The following DYNC2H1 variants were observed in gnomAD, a reference collection of about 807,000 sequenced individuals.
The protein encoded by DYNC2H1 is cytoplasmic dynein 2 heavy chain 1.
Under a neutral mutation model 570.0 loss-of-function variants are expected in DYNC2H1, and 410 were observed. That is an observed-to-expected ratio of 0.72 (90% CI 0.66 to 0.78). DYNC2H1 has a LOEUF of 0.78. Among genes scored for constraint, DYNC2H1 ranks in the 30% least tolerant of loss-of-function variants. The pLI, the probability that DYNC2H1 is intolerant of heterozygous loss-of-function variation, is 0.00. For synonymous variants in DYNC2H1, 1,688 were observed against 1,677.6 expected (o/e 1.01, Z -0.15); for missense variants, 4,865 against 5,046.4 (o/e 0.96, Z 1.09).
Position 103,156,681 on chromosome 11 carries a change from G to A in DYNC2H1, c.4038G>A (p.Gln1346=), listed in dbSNP as rs1860842427. Reference sequence around the variant, plus strand: ...ACCTGCAGAATTTAAATCATATTCAGAGAAAGTGGGTGTATTTGGAACCCA... The same window carrying A: ...ACCTGCAGAATTTAAATCATATTCAAAGAAAGTGGGTGTATTTGGAACCCA... ...DEYLQNLNHI[Q]RKWVYLEPIF... is the part of the protein sequence containing the mutation. Residue 1346 remains glutamine, a synonymous_variant, in exon 26 of 89, where the codon CAG becomes CAA. Coordinates refer to ENST00000375735, the MANE Select transcript of DYNC2H1 (RefSeq NM_001377.3). 1 of 1,613,126 alleles carries A rather than the reference G, an allele frequency of 6.2e-7. No homozygotes were observed. The highest frequency in any genetic ancestry group is 8.5e-7 in the Non-Finnish European group (1 of 1,179,630).
intron 87 of DYNC2H1, among the ~76,000 whole-genome samples, chr11:103,468,054 G>A (rs551195753): frequency 1.3e-5 from 2 of 151,224 alleles, no homozygotes; most frequent in African/African-American, 2.4e-5. Context: ...CAAAAGAACC[G>A]TGTTTTCATT....
At position 103,143,302 on chromosome 11, in the gene DYNC2H1, C is replaced by T. The variant is rs746202883; in HGVS notation, c.2609C>T (p.Ala870Val). Residue 870 changes from alanine (A) to valine (V), a missense_variant, in exon 18 of 89, where the codon GCT becomes GTT. Ala to Val is a moderately conservative substitution (Grantham distance 64). Around this residue, in one of 5 missense-constraint regions of DYNC2H1, gnomAD observed 1,936 missense variants for 1,962.1 expected, o/e 0.99. Coordinates refer to ENST00000375735, the MANE Select transcript of DYNC2H1 (RefSeq NM_001377.3). Reference sequence around the variant, plus strand: ...GTAATTGGGCAAGTTGATATGGAAGCTCTGGTGGAAAAGCATCTTTTTACT... The same window carrying T: ...GTAATTGGGCAAGTTGATATGGAAGTTCTGGTGGAAAAGCATCTTTTTACT... ...WIVIGQVDME[A>V]LVEKHLFTVH... is the part of the protein sequence containing the mutation. The T allele has an allele frequency of 1.9e-6, 3 of 1,613,096 alleles. No homozygotes were observed. Among genetic ancestry groups the T allele is most frequent in the African/African-American group, 1.3e-5 (1 of 74,846 alleles).
chr11:103,135,820 G>A lies in DYNC2H1; in HGVS notation c.2446G>A (p.Val816Met), dbSNP rs889490263. 4.3e-6 allele frequency: 7 copies of A among 1,613,246 alleles called. No individual in the cohort carries two copies. The Admixed American group carries it at 8.4e-5, about 19-fold the overall frequency. Residue 816 changes from valine to methionine, a missense_variant, in exon 17 of 89, where the codon GTG becomes ATG. Physicochemically the swap from Val to Met is conservative, Grantham distance 21. Around this residue, in one of 5 missense-constraint regions of DYNC2H1, gnomAD observed 1,936 missense variants for 1,962.1 expected, o/e 0.99. Coordinates refer to ENST00000375735, the MANE Select transcript of DYNC2H1 (RefSeq NM_001377.3). Reference sequence around the variant, plus strand: ...CGGCATTCCAAATCAGTTTAAGGGAGTGGGTGAGGCAGGAGATGAATCTAT... The same window carrying A: ...CGGCATTCCAAATCAGTTTAAGGGAATGGGTGAGGCAGGAGATGAATCTAT... ...FIGIPNQFKG[V>M]GEAGDESIFS...
rs182352825 is a variant in DYNC2H1, at chr11:103,134,356, G to C, written c.2142G>C (p.Gln714His). The change falls in exon 15 of 89, where the codon CAG becomes CAC. Residue 714 changes from glutamine to histidine, a missense_variant. Coordinates refer to ENST00000375735, the MANE Select transcript of DYNC2H1 (RefSeq NM_001377.3). Reference protein sequence around the residue: ...VVLMNIDLLRQQQRWKDGLQE... With the variant: ...VVLMNIDLLRHQQRWKDGLQE... ...TTATGAATATTGATCTGCTTCGGCA[G>C]CAACAGCGCTGGAAAGATGGATTAC... The C allele has an allele frequency of 5.0e-6, 8 of 1,612,470 alleles. No homozygotes were observed. The Admixed American group carries it at 5.0e-5, about 10-fold the overall frequency.
chr11:103,132,285 A>G (rs1412807424), intron 13 of DYNC2H1, among the ~76,000 whole-genome samples: 2 of 152,146 alleles, frequency 1.3e-5, no homozygotes, highest in Non-Finnish European at 2.9e-5. Flanking sequence ...GAGTCCATCC[A>G]GCCAGTTTTA....
rs766947408 is a variant in DYNC2H1, at chr11:103,311,375, T to A, written c.11494-503T>A. 1.2e-4 allele frequency among the ~76,000 whole-genome samples: 19 copies of A among 152,300 alleles called. No individual in the cohort carries two copies. In the South Asian group the frequency reaches 3.5e-3, roughly 28 times the overall value. ...TATAATTTCACTTCCTGGATTTTTGTGTCTATGAACCTAGCAATGTTAGGT... is the reference window on the plus strand; with the variant it reads ...TATAATTTCACTTCCTGGATTTTTGAGTCTATGAACCTAGCAATGTTAGGT... On this transcript the variant is annotated intron_variant, in intron 78 of 88. Transcript: ENST00000375735.
In DYNC2H1 at chr11:103,323,874, C is replaced by A; in HGVS notation, c.11935-12C>A. 1.3e-6 allele frequency: 2 copies of A among 1,599,724 alleles called. No individual in the cohort carries two copies. Among genetic ancestry groups the A allele is most frequent in the Non-Finnish European group, 1.7e-6 (2 of 1,171,804 alleles). On this transcript the variant is annotated splice_polypyrimidine_tract_variant and intron_variant, in intron 81 of 88. Coordinates refer to ENST00000375735, the MANE Select transcript of DYNC2H1 (RefSeq NM_001377.3). ...TTTTTAAAAAAACTGTTTTTCACTT[C>A]TTTATATTTAGGACTATCGTGCTGT...
At chr11:103,466,050 A>G (rs313859) in intron 87 of DYNC2H1, among the ~76,000 whole-genome samples, 79,407 of 151,862 alleles carry the variant, frequency 0.52, 22,678 homozygotes, top group East Asian at 0.74. Flanking sequence ...ATTATTAAGC[A>G]ATGGCAGTTG....
intron 77 of DYNC2H1, among the ~76,000 whole-genome samples, chr11:103,306,373 A>G (rs1232208430): frequency 2.0e-5 from 3 of 152,316 alleles, no homozygotes; most frequent in East Asian, 1.9e-4. Flanking sequence ...GAAACAGTAC[A>G]TAATATTATA....
chr11:103,244,798 A>G lies in DYNC2H1; in HGVS notation c.9919-453A>G, dbSNP rs920423318. ...ATACATATAAGTACTATATCTATATATAGTCATAGTTATAGACATATAAGT... is the reference window on the plus strand; with the variant it reads ...ATACATATAAGTACTATATCTATATGTAGTCATAGTTATAGACATATAAGT... On this transcript the variant is annotated intron_variant, in intron 64 of 88. Coordinates refer to ENST00000375735, the MANE Select transcript of DYNC2H1 (RefSeq NM_001377.3). The surrounding 1 kb of genome is among the most constrained non-coding windows in gnomAD (Gnocchi z 4.3). Among the ~76,000 whole-genome samples, 2 of 149,620 alleles carry G rather than the reference A, an allele frequency of 1.3e-5. No individual in the cohort carries two copies. The highest frequency in any genetic ancestry group is 3.0e-5 in the Non-Finnish European group (2 of 67,476).
intron 83 of DYNC2H1, among the ~76,000 whole-genome samples, chr11:103,393,737 G>A (rs568969039): frequency 6.6e-6 from 1 of 152,242 alleles, no homozygotes; most frequent in South Asian, 2.1e-4. Flanking sequence ...ACCGGGACTG[G>A]GCAATTTATA....
In DYNC2H1 at chr11:103,203,730, T is replaced by G. The variant is rs1281019817; in HGVS notation, c.8265T>G (p.Ala2755=). Residue 2755 remains alanine (A), a synonymous_variant, in exon 51 of 89, where the codon GCT becomes GCG. Transcript: ENST00000375735. The surrounding 1 kb of genome is among the most constrained non-coding windows in gnomAD (Gnocchi z 4.7). ...EPLLLPLKDQ[A]SQDGFFGPVF... ...TGCTGTTACCACTTAAGGATCAAGC[T>G]TCACAAGATGGTTTTTTTGGACCAG... The G allele has an allele frequency of 6.2e-7, 1 of 1,612,462 alleles. No homozygotes were observed. The highest frequency in any genetic ancestry group is 1.7e-5 in the Admixed American group (1 of 59,954).
At position 103,135,788 on chromosome 11, in the gene DYNC2H1, G is replaced by C. The variant is rs770077749; in HGVS notation, c.2414G>C (p.Arg805Thr). The stretch of plus-strand genomic sequence containing the variant: ...GCTAAATATTATAGAGAAATGAAGA[G>C]ATTCATCGGCATTCCAAATCAGTTT... ...IRAKYYREMK[R>T]FIGIPNQFKG... is the part of the protein sequence containing the mutation. The change falls in exon 17 of 89, where the codon AGA becomes ACA. Residue 805 changes from arginine (R) to threonine (T), a missense_variant. Physicochemically the swap from Arg to Thr is moderately conservative, Grantham distance 71. Transcript: ENST00000375735. 4 of 1,612,920 alleles carry C rather than the reference G, an allele frequency of 2.5e-6. No homozygotes were observed. Among genetic ancestry groups the C allele is most frequent in the East Asian group, 2.2e-5 (1 of 44,854 alleles).
At chr11:103,417,887 A>C (rs11518291) in intron 84 of DYNC2H1, among the ~76,000 whole-genome samples, 8,279 of 152,104 alleles carry the variant, frequency 0.054, 283 homozygotes, top group Non-Finnish European at 0.079. Context: ...AAAAAAAAAA[A>C]AAATTGATCA....
chr11:103,409,218 A>C (rs931243665), intron 84 of DYNC2H1, among the ~76,000 whole-genome samples: 2 of 152,072 alleles, frequency 1.3e-5, no homozygotes, highest in African/African-American at 4.8e-5. Context: ...TTGGATTAAC[A>C]GTATAAATAA....
intron 84 of DYNC2H1, chr11:103,405,196 AAGT>A (rs1375472054): frequency 6.6e-6 from 1 of 151,932 alleles, no homozygotes; most frequent in African/African-American, 2.4e-5. Context: ...GGGTCAAAAA[AAGT>A]AGTATTGAGG....
At position 103,158,787 on chromosome 11, in the gene DYNC2H1, A is replaced by G. The variant is rs688906; in HGVS notation, c.4238A>G (p.Lys1413Arg). 0.72 allele frequency: 1,052,813 copies of G among 1,467,266 alleles called. 381,257 individuals carry two copies. The highest frequency in any genetic ancestry group is 0.78 in the Admixed American group (35,595 of 45,432). 90.9% of individuals were successfully genotyped at this position (1,467,266 alleles called of 1,614,324 possible). The change falls in exon 27 of 89, where the codon AAA becomes AGA. Residue 1413 changes from lysine (K) to arginine (R), a missense_variant. Around this residue, in one of 5 missense-constraint regions of DYNC2H1, gnomAD observed 1,936 missense variants for 1,962.1 expected, o/e 0.99. Coordinates refer to ENST00000375735, the MANE Select transcript of DYNC2H1 (RefSeq NM_001377.3). The part of the protein sequence containing the change: ...TILDQLQRCQ[K>R]SLNEFLEEKR... ...CTTGATCAGCTTCAAAGATGTCAGA[A>G]ATCATTAAATGAATTTTTGGAGGCA...
chr11:103,435,969 G>A lies in DYNC2H1; in HGVS notation c.12393G>A (p.Trp4131Ter), dbSNP rs1428945272. The A allele has an allele frequency of 1.9e-6, 3 of 1,612,498 alleles. No homozygotes were observed. The highest frequency in any genetic ancestry group is 2.5e-6 in the Non-Finnish European group (3 of 1,179,096). ...QKCPLAWQSK[W>*]EGPEDPLQYL... ...GTCCTCTCGCATGGCAGAGCAAGTG[G>A]GAAGGCCCAGAAGATCCCTTACAAT... Residue 4131 changes from tryptophan (W) to a stop codon, truncating the protein, a stop_gained, in exon 85 of 89, where the codon TGG becomes TGA. Coordinates refer to ENST00000375735, the MANE Select transcript of DYNC2H1 (RefSeq NM_001377.3). LOFTEE classifies it high-confidence loss of function.
chr11:103,239,678 T>TAA lies in DYNC2H1; in HGVS notation c.9819+3140_9819+3141dup, dbSNP rs1335472940. Among the ~76,000 whole-genome samples, 1 of 149,706 alleles carries TAA rather than the reference T, an allele frequency of 6.7e-6. No individual in the cohort carries two copies. The highest frequency in any genetic ancestry group is 1.5e-5 in the Non-Finnish European group (1 of 67,026). The stretch of plus-strand genomic sequence containing the variant: ...GTGTGTGTGTGTGTGTGTGTGTGTG[T>TAA]AACCTTATTTATTTTATATTCTTGT... On this transcript the variant is annotated intron_variant, in intron 63 of 88. Transcript: ENST00000375735. This position sits in a 1 kb window ranked among gnomAD's most constrained non-coding sequence, Gnocchi z 4.3.
Sources: allele counts gnomAD v4.1 joint callset (sites outside exome capture counted in the v4.1 genomes callset), GRCh38; gene constraint gnomAD v4.1.1; regional missense constraint gnomAD v4.1.1; non-coding constraint Gnocchi (gnomAD v3.1); transcripts MANE v1.5; gene names NCBI Gene and HGNC (gene_info 2026-07-23, HGNC 2026-07-21).